Variants in ARHGAP10 observed in about 807,000 individuals in gnomAD.
ARHGAP10 encodes the protein rho GTPase-activating protein 10.
Under a neutral mutation model 108.6 loss-of-function variants are expected in ARHGAP10, and 87 were observed. The observed-to-expected ratio is 0.80, with a 90% CI of 0.67 to 0.96. ARHGAP10 has a LOEUF of 0.96. Among genes scored for constraint, ARHGAP10 ranks in the 40% least tolerant of loss-of-function variants. The pLI, the probability that ARHGAP10 is intolerant of heterozygous loss-of-function variation, is 0.00. For synonymous variants in ARHGAP10, 347 were observed against 341.1 expected (o/e 1.02, Z -0.19); for missense variants, 939 against 954.5 (o/e 0.98, Z 0.21).
intron 18 of ARHGAP10, among the ~76,000 whole-genome samples, chr4:148,001,888 A>G (rs1740737408): frequency 6.6e-6 from 1 of 152,082 alleles, no homozygotes; most frequent in African/African-American, 2.4e-5. Context: ...CTCTTTTCCT[A>G]ATTGAATACC....
chr4:147,896,871 T>A (rs1401741415), intron 10 of ARHGAP10, among the ~76,000 whole-genome samples: 1 of 152,188 alleles, frequency 6.6e-6, no homozygotes, highest in East Asian at 1.9e-4. Flanking sequence ...AAGTATTTTT[T>A]AAAAATTCCA....
intron 15 of ARHGAP10, among the ~76,000 whole-genome samples, chr4:147,951,645 G>A (rs1223914834): frequency 6.6e-6 from 1 of 151,070 alleles, no homozygotes; most frequent in African/African-American, 2.4e-5. Context: ...TAGAAACAGG[G>A]TCTCACTTTG....
chr4:147,983,075 T>A (rs1390153498), intron 18 of ARHGAP10, among the ~76,000 whole-genome samples: 4 of 151,914 alleles, frequency 2.6e-5, no homozygotes, highest in Non-Finnish European at 5.9e-5. Flanking sequence ...GAGATGGGGG[T>A]CTCACCATGT....
chr4:147,766,922 C>T (rs1303902484), intron 1 of ARHGAP10, among the ~76,000 whole-genome samples: 1 of 150,528 alleles, frequency 6.6e-6, no homozygotes, highest in Non-Finnish European at 1.5e-5. Context: ...GATCTTGGCT[C>T]ACTGCATCCT....
intron 9 of ARHGAP10, among the ~76,000 whole-genome samples, chr4:147,880,869 T>C (rs1735300235): frequency 1.3e-5 from 2 of 149,404 alleles, no homozygotes; most frequent in Non-Finnish European, 3.0e-5. Context: ...AATAGTCACA[T>C]ATTTTTTGTG....
intron 5 of ARHGAP10, chr4:147,864,321 C>T (rs528598839): frequency 2.6e-5 from 4 of 152,744 alleles, no homozygotes; most frequent in African/African-American, 4.8e-5. Context: ...CTTTGAGAGC[C>T]GGGTTCTTGA....
intron 1 of ARHGAP10, among the ~76,000 whole-genome samples, chr4:147,751,101 C>T (rs1455564370): frequency 3.3e-5 from 5 of 151,650 alleles, no homozygotes; most frequent in African/African-American, 1.2e-4. Flanking sequence ...ATCTCTTGAA[C>T]CCGGAAGGCA....
Position 148,023,412 on chromosome 4 carries a change from T to G in ARHGAP10, c.1866T>G (p.Asp622Glu). 1 of 1,612,378 alleles carries G rather than the reference T, an allele frequency of 6.2e-7. No homozygotes were observed. Among genetic ancestry groups the G allele is most frequent in the Non-Finnish European group, 8.5e-7 (1 of 1,178,726 alleles). Residue 622 changes from aspartate to glutamate, a missense_variant and splice_region_variant, in exon 19 of 23, where the codon GAT becomes GAG. By Grantham distance (45) the Asp-to-Glu change is conservative. Coordinates refer to ENST00000336498, the MANE Select transcript of ARHGAP10 (RefSeq NM_024605.4). ...AVYNLCLELEDGDNPYPSKED... is the reference protein window; with the variant it reads ...AVYNLCLELEEGDNPYPSKED... ...ACAATCTTTGTCTGGAGCTGGAAGA[T>G]GGTAAGATGTTAATGATATTTTTTG...
chr4:147,920,617 G>T (rs1162460822), intron 13 of ARHGAP10, among the ~76,000 whole-genome samples: 6 of 142,440 alleles, frequency 4.2e-5, no homozygotes, highest in Non-Finnish European at 6.2e-5. Flanking sequence ...AGGCCTCTGG[G>T]ATACGTGTTC....
intron 13 of ARHGAP10, among the ~76,000 whole-genome samples, chr4:147,917,566 A>T (rs977009204): frequency 2.6e-5 from 4 of 152,202 alleles, no homozygotes; most frequent in African/African-American, 9.6e-5. Flanking sequence ...GCCATAAGTT[A>T]GTTTTTTTCT....
At position 148,066,780 on chromosome 4, in the gene ARHGAP10, G is replaced by A. The variant is rs199814256; in HGVS notation, c.2272+2273G>A. The stretch of plus-strand genomic sequence containing the variant: ...GTGCAGCTGATTCTTCATCCTAAGC[G>A]GCAGGGATGGCCACAACATTGATGT... On this transcript the variant is annotated intron_variant, in intron 22 of 22. Transcript: ENST00000336498. 6.6e-5 allele frequency among the ~76,000 whole-genome samples: 10 copies of A among 152,310 alleles called. No individual in the cohort carries two copies. The East Asian group carries it at 1.2e-3, about 18-fold the overall frequency.
rs368759877 is a variant in ARHGAP10, at chr4:147,900,298, C to T, written c.1035-6340C>T. Among the ~76,000 whole-genome samples the T allele has an allele frequency of 2.8e-4, 42 of 152,102 alleles. No individual in the cohort carries two copies. In the South Asian group the frequency reaches 7.9e-3, roughly 29 times the overall value. On this transcript the variant is annotated intron_variant, in intron 10 of 22. Transcript: ENST00000336498. ...TGAATGAATGAAAGAGGTTGAGATG[C>T]TGATTTATGAATTTAAGAATTCTTT...
intron 7 of ARHGAP10, among the ~76,000 whole-genome samples, chr4:147,869,996 G>GTTTT (rs10644018): frequency 0.12 from 15,258 of 131,290 alleles, 1,335 homozygotes; most frequent in African/African-American, 0.17. Flanking sequence ...AAAAGTCCCA[G>GTTTT]TTTGTGTGTG....
intron 15 of ARHGAP10, among the ~76,000 whole-genome samples, chr4:147,953,988 C>G (rs1277092024): frequency 6.6e-6 from 1 of 151,988 alleles, no homozygotes; most frequent in Non-Finnish European, 1.5e-5. Flanking sequence ...TACTTTCTAA[C>G]TTCTCTTTGA....
chr4:148,012,663 T>C (rs1378616408), intron 18 of ARHGAP10, among the ~76,000 whole-genome samples: 1 of 152,192 alleles, frequency 6.6e-6, no homozygotes, highest in Non-Finnish European at 1.5e-5. Context: ...TTAATAGATA[T>C]ATTAAGTTGG....
intron 16 of ARHGAP10, among the ~76,000 whole-genome samples, chr4:147,964,227 A>G (rs571733438): frequency 6.6e-6 from 1 of 151,868 alleles, no homozygotes; most frequent in Non-Finnish European, 1.5e-5. Flanking sequence ...TGCCCTTGTC[A>G]CTTCAGTTCC....
intron 18 of ARHGAP10, among the ~76,000 whole-genome samples, chr4:148,011,099 A>G (rs1026485829): frequency 1.2e-4 from 19 of 152,198 alleles, no homozygotes; most frequent in Admixed American, 1.2e-3. Flanking sequence ...AGGTACATAG[A>G]TGATGCTGAT....
At chr4:147,836,100 CT>C in intron 3 of ARHGAP10, among the ~76,000 whole-genome samples, 1 of 152,266 alleles carries the variant, frequency 6.6e-6, no homozygotes, top group East Asian at 1.9e-4. Context: ...AAAATTTCTG[CT>C]ATCTTTTTTC....
intron 14 of ARHGAP10, among the ~76,000 whole-genome samples, chr4:147,942,660 C>A (rs563399640): frequency 6.6e-6 from 1 of 152,268 alleles, no homozygotes; most frequent in East Asian, 1.9e-4. Context: ...CCCTAATTCC[C>A]AGCTGGCATG....
Sources: allele counts gnomAD v4.1 joint callset (sites outside exome capture counted in the v4.1 genomes callset), GRCh38; gene constraint gnomAD v4.1.1; transcripts MANE v1.5; gene names NCBI Gene and HGNC (gene_info 2026-07-23, HGNC 2026-07-21).